Variants in KCNH7 observed in about 807,000 individuals in gnomAD.
The protein encoded by KCNH7 is voltage-gated inwardly rectifying potassium channel KCNH7.
Under a neutral mutation model 120.8 loss-of-function variants are expected in KCNH7, and 49 were observed. The ratio of observed to expected loss-of-function variants is 0.41; its 90% CI spans 0.32 to 0.51. The LOEUF (loss-of-function observed/expected upper bound fraction) is 0.51. KCNH7 is among the 20% of genes least tolerant of loss of function. KCNH7 has a pLI of 0.38. For missense variants in KCNH7, 1,097 were observed against 1,446.6 expected (o/e 0.76, Z 3.92); for synonymous variants, 547 against 516.1 (o/e 1.06, Z -0.81).
At chr2:162,700,070 A>G (rs1686440514) in intron 2 of KCNH7, among the ~76,000 whole-genome samples, 1 of 152,186 alleles carries the variant, frequency 6.6e-6, no homozygotes, top group Non-Finnish European at 1.5e-5. Context: ...GAAGCAATGG[A>G]AAGAAACACA....
Position 162,748,991 on chromosome 2 carries a change from T to TTCCTTCCTTCCTTCCTTCC in KCNH7, c.307+87545_307+87546insGGAAGGAAGGAAGGAAGGA, listed in dbSNP as rs1559114097. Among the ~76,000 whole-genome samples the TTCCTTCCTTCCTTCCTTCC allele has an allele frequency of 1.3e-4, 11 of 84,938 alleles. 3 individuals are homozygous for TTCCTTCCTTCCTTCCTTCC. The highest frequency in any genetic ancestry group is 6.0e-4 in the African/African-American group (10 of 16,640). 55.7% of individuals were successfully genotyped at this position (84,938 alleles called of 152,430 possible). On this transcript the variant is annotated intron_variant, in intron 2 of 15. Transcript: ENST00000332142. ...CCTTCCTTCCTTCCTTCCTTCCTTC[T>TTCCTTCCTTCCTTCCTTCC]TTCCTCTCTTTTGCACTGAAAAGCA...
At chr2:162,816,069 G>A (rs1276569304) in intron 2 of KCNH7, among the ~76,000 whole-genome samples, 2 of 151,946 alleles carry the variant, frequency 1.3e-5, no homozygotes, top group African/African-American at 4.8e-5. Flanking sequence ...GACCAGCCTG[G>A]CCAACATGGA....
chr2:162,836,857 T>A, intron 1 of KCNH7, 90 bp from the exon 2 acceptor site: 1 of 875,038 alleles, frequency 1.1e-6, no homozygotes, highest in Non-Finnish European at 1.8e-6. Flanking sequence ...ATAAGAGCTC[T>A]GAAATGCAGG....
intron 9 of KCNH7, among the ~76,000 whole-genome samples, chr2:162,414,485 T>C (rs542997777): frequency 1.3e-5 from 2 of 151,676 alleles, no homozygotes; most frequent in South Asian, 2.1e-4. Context: ...CTATGGAATG[T>C]ACATGCCATT....
In KCNH7 at chr2:162,511,407, A is replaced by T. The variant is rs1339738571; in HGVS notation, c.913+1247T>A. Among the ~76,000 whole-genome samples the T allele has an allele frequency of 2.0e-5, 3 of 150,438 alleles. No homozygotes were observed. The Admixed American group carries it at 2.0e-4, about 10-fold the overall frequency. On this transcript the variant is annotated intron_variant, in intron 5 of 15. Transcript: ENST00000332142. ...TCCTGCTTCTTGAGGTTACATTCTG[A>T]ATTATGTCAATGCAAACCACCACAC...
chr2:162,414,863 A>G lies in KCNH7; in HGVS notation c.2154+8473T>C, dbSNP rs549984656. Among the ~76,000 whole-genome samples the G allele has an allele frequency of 9.2e-5, 14 of 152,194 alleles. 1 individual carries two copies. Among genetic ancestry groups the G allele is most frequent in the Admixed American group, 9.2e-4 (14 of 15,260 alleles). On this transcript the variant is annotated intron_variant, in intron 9 of 15. Transcript: ENST00000332142. ...AAGGCAAATAACTTTTTATCTAAGGAATGCAAGTCCCTTTAAATTATGAGG... is the reference window on the plus strand; with the variant it reads ...AAGGCAAATAACTTTTTATCTAAGGGATGCAAGTCCCTTTAAATTATGAGG...
intron 2 of KCNH7, among the ~76,000 whole-genome samples, chr2:162,662,921 G>A (rs1402455311): frequency 6.6e-6 from 1 of 152,162 alleles, no homozygotes; most frequent in African/African-American, 2.4e-5. Flanking sequence ...TGAATTTGAG[G>A]TCAAAAGACT....
At chr2:162,609,192 C>G (rs1308173246) in intron 2 of KCNH7, among the ~76,000 whole-genome samples, 2 of 152,132 alleles carry the variant, frequency 1.3e-5, no homozygotes, top group African/African-American at 4.8e-5. Flanking sequence ...CCTCTACGTT[C>G]CCCATGTGTC....
At chr2:162,468,933 C>T (rs1169241045) in intron 6 of KCNH7, among the ~76,000 whole-genome samples, 1 of 151,866 alleles carries the variant, frequency 6.6e-6, no homozygotes, top group African/African-American at 2.4e-5. Context: ...TCACTGTAAC[C>T]TCGAACTTCC....
intron 7 of KCNH7, 110 bp downstream of exon 7, chr2:162,445,908 A>G: frequency 2.5e-6 from 2 of 808,514 alleles, no homozygotes; most frequent in Non-Finnish European, 3.8e-6. Context: ...AATGAATTTT[A>G]TCAGTGAGAT....
At chr2:162,439,898 G>A (rs1226565816) in intron 7 of KCNH7, among the ~76,000 whole-genome samples, 1 of 151,604 alleles carries the variant, frequency 6.6e-6, no homozygotes, top group Admixed American at 6.6e-5. Flanking sequence ...CCAGACTCAA[G>A]AAGACTGTGT....
At chr2:162,691,325 C>G (rs1046253159) in intron 2 of KCNH7, among the ~76,000 whole-genome samples, 7 of 152,084 alleles carry the variant, frequency 4.6e-5, no homozygotes, top group African/African-American at 1.7e-4. Flanking sequence ...GCTTTATATG[C>G]CATTTATTAT....
intron 7 of KCNH7, 43 bp downstream of exon 7, chr2:162,445,975 A>T: frequency 7.0e-7 from 1 of 1,436,002 alleles, no homozygotes; most frequent in Non-Finnish European, 9.5e-7. Flanking sequence ...TCACTTTTAT[A>T]ATTGCAATCT....
chr2:162,751,564 A>AT (rs1441844652), intron 2 of KCNH7, among the ~76,000 whole-genome samples: 8 of 151,940 alleles, frequency 5.3e-5, no homozygotes, highest in Admixed American at 6.6e-5. Flanking sequence ...GTTAAAAAGA[A>AT]TTTTTTACAA....
intron 8 of KCNH7, among the ~76,000 whole-genome samples, chr2:162,425,298 T>C (rs1443988095): frequency 6.6e-6 from 1 of 152,088 alleles, no homozygotes; most frequent in Non-Finnish European, 1.5e-5. Flanking sequence ...TATGTCTATC[T>C]AGTATCTACC....
In KCNH7 at chr2:162,517,996, C is replaced by A. The variant is rs377559905; in HGVS notation, c.626G>T (p.Ser209Ile). The A allele has an allele frequency of 2.5e-6, 4 of 1,612,342 alleles. No homozygotes were observed. In the African/African-American group the frequency reaches 5.4e-5, roughly 22 times the overall value. Reference protein sequence around the residue: ...HFKSPTKESCSPSEADDTKAL... With the variant: ...HFKSPTKESCIPSEADDTKAL... Reference sequence around the variant, plus strand: ...TTTTGTGTCATCTGCTTCAGAGGGGCTGCAGCTTTCTTTTGTAGGAGACTT... The same window carrying A: ...TTTTGTGTCATCTGCTTCAGAGGGGATGCAGCTTTCTTTTGTAGGAGACTT... Residue 209 changes from serine (S) to isoleucine (I), a missense_variant, in exon 4 of 16, where the codon AGC (serine) becomes ATC (isoleucine). Ser to Ile is a moderately radical substitution (Grantham distance 142). Around this residue, in one of 8 missense-constraint regions of KCNH7, gnomAD observed 362 missense variants for 372.2 expected, o/e 0.97. Coordinates refer to ENST00000332142, the MANE Select transcript of KCNH7 (RefSeq NM_033272.4).
intron 2 of KCNH7, among the ~76,000 whole-genome samples, chr2:162,742,852 G>A (rs538049841): frequency 2.0e-5 from 3 of 152,314 alleles, no homozygotes; most frequent in Admixed American, 6.5e-5. Context: ...AATTCAGGTA[G>A]TGGAAGGATT....
At chr2:162,756,126 T>C (rs1688781612) in intron 2 of KCNH7, among the ~76,000 whole-genome samples, 1 of 152,176 alleles carries the variant, frequency 6.6e-6, no homozygotes, top group Non-Finnish European at 1.5e-5. Context: ...TAAAAAGACA[T>C]ACTAGTTTTA....
Position 162,400,342 on chromosome 2 carries a change from C to G in KCNH7, c.2254G>C (p.Gly752Arg). The G allele has an allele frequency of 6.2e-7, 1 of 1,612,534 alleles. No individual in the cohort carries two copies. Among genetic ancestry groups the G allele is most frequent in the Non-Finnish European group, 8.5e-7 (1 of 1,179,040 alleles). Residue 752 changes from glycine (G) to arginine (R), a missense_variant, in exon 10 of 16, where the codon GGT becomes CGT. Coordinates refer to ENST00000332142, the MANE Select transcript of KCNH7 (RefSeq NM_033272.4). ...TTCATTGCCAAAGCTCTAAGGCAAC[C>G]TTTACTTGCCCCCCGAAAGGCTTTG... ...NCKAFRGASK[G>R]CLRALAMKFK...
Sources: allele counts gnomAD v4.1 joint callset (sites outside exome capture counted in the v4.1 genomes callset), GRCh38; gene constraint gnomAD v4.1.1; regional missense constraint gnomAD v4.1.1; transcripts MANE v1.5; gene names NCBI Gene and HGNC (gene_info 2026-07-23, HGNC 2026-07-21).